The following SMC6 variants were observed in gnomAD, a reference collection of about 807,000 sequenced individuals.
SMC6 encodes the protein structural maintenance of chromosomes 6, also known as structural maintenance of chromosomes protein 6.
In SMC6, 79 loss-of-function variants were observed where a neutral mutation model predicts 142.2. The ratio of observed to expected loss-of-function variants is 0.56; its 90% confidence interval spans 0.46 to 0.67. The LOEUF is 0.67. SMC6 is among the 30% of genes least tolerant of loss of function. SMC6 has a pLI of 0.00. For synonymous variants in SMC6, 411 were observed against 412.4 expected (o/e 1.00, Z 0.04); for missense variants, 1,072 against 1,284.0 (o/e 0.83, Z 2.52).
chr2:17,748,145 T>C (rs1273243576), intron 2 of SMC6, among the ~76,000 whole-genome samples: 5 of 152,212 alleles, frequency 3.3e-5, no homozygotes, highest in African/African-American at 7.2e-5. Context: ...AAAGGACTTG[T>C]AGACTCCTCA....
rs1232124072 is a variant in SMC6 at position 17,716,737 on chromosome 2, T to G, written c.1346+4A>C. 1 of 1,603,588 alleles carries G rather than the reference T, an allele frequency of 6.2e-7. No homozygotes were observed. The highest frequency in any genetic ancestry group is 8.5e-7 in the Non-Finnish European group (1 of 1,177,164). ...AAAATCATTCTAAGGATGTTGCAAC[T>G]TACTTAATTTTGCCATGTTCTTCTT... is the stretch of plus-strand genomic sequence containing the variant. On this transcript the variant is annotated splice_donor_region_variant and intron_variant, in intron 14 of 27. Coordinates refer to ENST00000448223, the MANE Select transcript of SMC6 (RefSeq NM_001142286.2).
chr2:17,718,265 TAGAG>T (rs1558359790), intron 11 of SMC6, 42 bp from the exon 12 acceptor site: 2 of 1,414,928 alleles, frequency 1.4e-6, no homozygotes, highest in Non-Finnish European at 1.9e-6. Context: ...TTTTCTTCAA[TAGAG>T]AGAATTTTAA....
rs1666505779 is a variant in SMC6 at position 17,666,581 on chromosome 2, T to C, written c.3064-64A>G. The C allele has an allele frequency of 5.0e-6, 6 of 1,198,744 alleles. No individual in the cohort carries two copies. The Admixed American group carries it at 9.0e-5, about 18-fold the overall frequency. 74.3% of individuals were successfully genotyped at this position (1,198,744 alleles called of 1,614,324 possible). A position where few individuals can be genotyped will look rare whatever the true frequency, so the allele number is the denominator to read the frequency against. On this transcript the variant is annotated intron_variant, in intron 26 of 27. Coordinates refer to ENST00000448223, the MANE Select transcript of SMC6 (RefSeq NM_001142286.2). ...AAGTCACATTTCTGTAAAAGCAGCA[T>C]TCTGTGGGCTGATACAAGCTCCTGG...
chr2:17,667,125 A>G (rs1321227326), intron 26 of SMC6, among the ~76,000 whole-genome samples: 2 of 152,250 alleles, frequency 1.3e-5, no homozygotes, highest in African/African-American at 4.8e-5. Flanking sequence ...TATTCTCCTG[A>G]CACAACTAAA....
intron 21 of SMC6, among the ~76,000 whole-genome samples, chr2:17,699,688 G>A (rs1668176730): frequency 6.6e-6 from 1 of 151,950 alleles, no homozygotes; most frequent in East Asian, 1.9e-4. Flanking sequence ...AGATTTATGA[G>A]GAATAACAAG....
chr2:17,724,349 T>C (rs1458428274), intron 9 of SMC6, among the ~76,000 whole-genome samples: 1 of 152,192 alleles, frequency 6.6e-6, no homozygotes, highest in African/African-American at 2.4e-5. Flanking sequence ...CACCTAACTA[T>C]AGACCTAACT....
intron 3 of SMC6, among the ~76,000 whole-genome samples, chr2:17,745,556 T>C (rs1017848073): frequency 5.9e-5 from 9 of 152,178 alleles, no homozygotes; most frequent in African/African-American, 2.2e-4. Context: ...TTCCCGATAT[T>C]GGTAATTTGT....
At chr2:17,749,704 T>A (rs776391929) in intron 2 of SMC6, among the ~76,000 whole-genome samples, 1 of 151,784 alleles carries the variant, frequency 6.6e-6, no homozygotes, top group Non-Finnish European at 1.5e-5. Context: ...AAAAAAAAAA[T>A]TAATAACCAA....
chr2:17,705,349 G>A lies in SMC6; in HGVS notation c.2006+1870C>T, dbSNP rs116181904. Reference sequence around the variant, plus strand: ...CTCAGCACTTTAGGAGGTGGAGGTGGGTAGACCACTTGAAGCCAGGAGTTT... The same window carrying A: ...CTCAGCACTTTAGGAGGTGGAGGTGAGTAGACCACTTGAAGCCAGGAGTTT... On this transcript the variant is annotated intron_variant, in intron 18 of 27. Coordinates refer to ENST00000448223, the MANE Select transcript of SMC6 (RefSeq NM_001142286.2). 4.8e-3 allele frequency among the ~76,000 whole-genome samples: 734 copies of A among 152,114 alleles called. 4 individuals are homozygous for A. The highest frequency in any genetic ancestry group is 0.016 in the African/African-American group (681 of 41,468).
At position 17,695,257 on chromosome 2, in the gene SMC6, A is replaced by G. The variant is rs1667935252; in HGVS notation, c.2573T>C (p.Ile858Thr). The change falls in exon 23 of 28, where the codon ATA becomes ACA. Residue 858 changes from isoleucine to threonine, a missense_variant. Ile to Thr is a moderately conservative substitution (Grantham distance 89). Coordinates refer to ENST00000448223, the MANE Select transcript of SMC6 (RefSeq NM_001142286.2). ...AATTGATGCAGATTTTTCTACTTCT[A>G]TACGCTCTGGGCAGATTTGTCTTGC... ...SQARQICPER[I>T]EVEKSASILD... 1 of 1,613,490 alleles carries G rather than the reference A, an allele frequency of 6.2e-7. No homozygotes were observed. Among genetic ancestry groups the G allele is most frequent in the Non-Finnish European group, 8.5e-7 (1 of 1,179,798 alleles).
Position 17,665,299 on chromosome 2 carries a change from T to C in SMC6, c.*200A>G, listed in dbSNP as rs1002319962. 2 of 369,884 alleles carry C rather than the reference T, an allele frequency of 5.4e-6. No homozygotes were observed. The highest frequency in any genetic ancestry group is 9.6e-6 in the Non-Finnish European group (2 of 208,496). 22.9% of individuals were successfully genotyped at this position (369,884 alleles called of 1,614,324 possible). On this transcript the variant is annotated 3_prime_UTR_variant, in exon 28 of 28. Coordinates refer to ENST00000448223, the MANE Select transcript of SMC6 (RefSeq NM_001142286.2). Reference sequence around the variant, plus strand: ...AACCAATACTATGAAATTGATTTTCTTAAAGTAATAGTAATCTTAAATTGC... The same window carrying C: ...AACCAATACTATGAAATTGATTTTCCTAAAGTAATAGTAATCTTAAATTGC...
chr2:17,700,643 T>A (rs1411906331), intron 20 of SMC6, among the ~76,000 whole-genome samples: 1 of 152,196 alleles, frequency 6.6e-6, no homozygotes, highest in East Asian at 1.9e-4. Context: ...TTCATTCTAT[T>A]CATTTTTTCC....
chr2:17,692,517 A>G (rs974406259), intron 23 of SMC6, among the ~76,000 whole-genome samples: 33 of 152,344 alleles, frequency 2.2e-4, no homozygotes, highest in African/African-American at 7.7e-4. Flanking sequence ...AGAAAGCTGA[A>G]ACTGGATCCC....
At position 17,718,878 on chromosome 2, in the gene SMC6, G is replaced by C. The variant is rs151072091; in HGVS notation, c.946-655C>G. ...GACAACAGGAAGACGACCTAAGTCT[G>C]TCTCTTATCTCCTAAGTCTGCATGT... On this transcript the variant is annotated intron_variant, in intron 11 of 27. Transcript: ENST00000448223. 2.6e-4 allele frequency among the ~76,000 whole-genome samples: 39 copies of C among 152,286 alleles called. 1 individual carries two copies. The East Asian group carries it at 7.1e-3, about 28-fold the overall frequency.
intron 23 of SMC6, among the ~76,000 whole-genome samples, chr2:17,687,017 C>A (rs1460391203): frequency 6.6e-6 from 1 of 152,134 alleles, no homozygotes; most frequent in African/African-American, 2.4e-5. Context: ...GATATCTCAT[C>A]TATATGCCAA....
intron 7 of SMC6, among the ~76,000 whole-genome samples, chr2:17,730,860 C>T (rs1196730831): frequency 2.0e-5 from 3 of 151,988 alleles, no homozygotes; most frequent in African/African-American, 7.2e-5. Context: ...GTGATCCACC[C>T]GCCTTGGTCT....
Position 17,740,363 on chromosome 2 carries a change from A to C in SMC6, c.238+1249T>G, listed in dbSNP as rs1215905082. Among the ~76,000 whole-genome samples, 3 of 152,140 alleles carry C rather than the reference A, an allele frequency of 2.0e-5. No homozygotes were observed. The East Asian group carries it at 5.8e-4, about 29-fold the overall frequency. ...CCTAGCTTCCTATTCTAGCATTGTC[A>C]CCAGTTGGTAGACTCTGGCAAGCCT... On this transcript the variant is annotated intron_variant, in intron 4 of 27. Coordinates refer to ENST00000448223, the MANE Select transcript of SMC6 (RefSeq NM_001142286.2).
At chr2:17,745,790 C>T in intron 3 of SMC6, 37 bp downstream of exon 3, 1 of 1,553,074 alleles carries the variant, frequency 6.4e-7, no homozygotes, top group Non-Finnish European at 8.7e-7. Context: ...ACAAGAAAAA[C>T]ATATCAAAAA....
Position 17,700,444 on chromosome 2 carries a change from TA to T in SMC6, c.2224-67del, listed in dbSNP as rs1266283182. On this transcript the variant is annotated intron_variant, in intron 20 of 27. Coordinates refer to ENST00000448223, the MANE Select transcript of SMC6 (RefSeq NM_001142286.2). ...TTTAAGTTTTCAAATAGAAGAAACATAAAAATAATTCTGAGAGAGGAGAAAC... is the reference window on the plus strand; with the variant it reads ...TTTAAGTTTTCAAATAGAAGAAACATAAAATAATTCTGAGAGAGGAGAAAC... 4.7e-6 allele frequency: 6 copies of T among 1,285,596 alleles called. No homozygotes were observed. In the African/African-American group the frequency reaches 9.1e-5, roughly 20 times the overall value. 79.6% of individuals were successfully genotyped at this position (1,285,596 alleles called of 1,614,324 possible). A position where few individuals can be genotyped will look rare whatever the true frequency, so the allele number is the denominator to read the frequency against.
Sources: allele counts gnomAD v4.1 joint callset (sites outside exome capture counted in the v4.1 genomes callset), GRCh38; gene constraint gnomAD v4.1.1; transcripts MANE v1.5; gene names NCBI Gene and HGNC (gene_info 2026-07-23, HGNC 2026-07-21).